The following XXYLT1 variants were observed in gnomAD, a reference collection of about 807,000 sequenced individuals.
The protein encoded by XXYLT1 is UDP-xylose:alpha-xyloside alpha-1,3-xylosyltransferase.
Under a neutral mutation model 28.9 loss-of-function variants are expected in XXYLT1, and 20 were observed. The ratio of observed to expected loss-of-function variants is 0.69; its 90% CI spans 0.49 to 1.00. The LOEUF (loss-of-function observed/expected upper bound fraction) is 1.00. XXYLT1 is among the 50% of genes least tolerant of loss of function. XXYLT1 has a pLI of 0.00. For missense variants in XXYLT1, 542 were observed against 560.1 expected (o/e 0.97, Z 0.33); for synonymous variants, 257 against 253.8 (o/e 1.01, Z -0.12).
Position 195,244,904 on chromosome 3 carries a change from G to A in XXYLT1, c.505-18048C>T, listed in dbSNP as rs1258978646. On this transcript the variant is annotated intron_variant, in intron 1 of 3. Coordinates refer to ENST00000310380, the MANE Select transcript of XXYLT1 (RefSeq NM_152531.5). ...CTCCCGGCCGGGTGCGGTGGCTCACGCCTGTGATCCCAGCACTTTGGGAGG... is the reference window on the plus strand; with the variant it reads ...CTCCCGGCCGGGTGCGGTGGCTCACACCTGTGATCCCAGCACTTTGGGAGG... 7.6e-5 allele frequency among the ~76,000 whole-genome samples: 11 copies of A among 144,918 alleles called. No individual in the cohort carries two copies. The East Asian group carries it at 8.7e-4, about 11-fold the overall frequency.
intron 3 of XXYLT1, among the ~76,000 whole-genome samples, chr3:195,145,811 C>T (rs1172480964): frequency 6.6e-6 from 1 of 152,208 alleles, no homozygotes; most frequent in East Asian, 1.9e-4. Context: ...CTTTTACAAA[C>T]AGTGATAGAG....
At position 195,256,200 on chromosome 3, in the gene XXYLT1, C is replaced by T. The variant is rs1725471434; in HGVS notation, c.504+14355G>A. On this transcript the variant is annotated intron_variant, in intron 1 of 3. Coordinates refer to ENST00000310380, the MANE Select transcript of XXYLT1 (RefSeq NM_152531.5). This position sits in a 1 kb window ranked among gnomAD's most constrained non-coding sequence, Gnocchi z 4.2. ...GCCGGACTCCAATCATGGCTCCGAG[C>T]AAGCTCATCTGTGCAGCCTCTTCCT... is the stretch of plus-strand genomic sequence containing the variant. 6.6e-6 allele frequency among the ~76,000 whole-genome samples: 1 copy of T among 152,224 alleles called. No homozygotes were observed. Among genetic ancestry groups the T allele is most frequent in the African/African-American group, 2.4e-5 (1 of 41,454 alleles).
intron 3 of XXYLT1, among the ~76,000 whole-genome samples, chr3:195,125,908 T>C (rs1718595068): frequency 6.6e-6 from 1 of 152,006 alleles, no homozygotes; most frequent in African/African-American, 2.4e-5. Flanking sequence ...AACACTGCCC[T>C]CAACAGGGAA....
intron 2 of XXYLT1, among the ~76,000 whole-genome samples, chr3:195,167,570 G>A (rs1380334011): frequency 1.3e-5 from 2 of 152,110 alleles, no homozygotes; most frequent in African/African-American, 4.8e-5. Context: ...CAGCCTGGGC[G>A]ACAAGAGTGA....
chr3:195,146,477 C>T (rs890040242), intron 3 of XXYLT1, among the ~76,000 whole-genome samples: 2 of 152,254 alleles, frequency 1.3e-5, no homozygotes, highest in Non-Finnish European at 1.5e-5. Context: ...CGTCCCACTG[C>T]AAGCTCCTGG....
At position 195,255,252 on chromosome 3, in the gene XXYLT1, T is replaced by A. The variant is rs115056974; in HGVS notation, c.504+15303A>T. ...GGGAGCCGCCGACCAGGCCTGGAGATCCCTGTGACAGTCACGGCAGGACTG... is the reference window on the plus strand; with the variant it reads ...GGGAGCCGCCGACCAGGCCTGGAGAACCCTGTGACAGTCACGGCAGGACTG... On this transcript the variant is annotated intron_variant, in intron 1 of 3. Transcript: ENST00000310380. This position sits in a 1 kb window ranked among gnomAD's most constrained non-coding sequence, Gnocchi z 4.5. Among the ~76,000 whole-genome samples the A allele has an allele frequency of 0.024, 3,722 of 152,230 alleles. 167 individuals carry two copies. The highest frequency in any genetic ancestry group is 0.085 in the African/African-American group (3,546 of 41,512).
At chr3:195,118,538 T>TC (rs1718168295) in intron 3 of XXYLT1, among the ~76,000 whole-genome samples, 1 of 152,190 alleles carries the variant, frequency 6.6e-6, no homozygotes, top group Admixed American at 6.5e-5. Flanking sequence ...GAGGTTAGGC[T>TC]TGGCTTCCTT....
rs1002359581 is a variant in XXYLT1, at chr3:195,209,160, C to T, written c.652+17549G>A. Reference sequence around the variant, plus strand: ...ATGCCAGTGGGGTTAGGACAGGAACCGGCTCACCCTGTTAAGAAGCCAGTC... The same window carrying T: ...ATGCCAGTGGGGTTAGGACAGGAACTGGCTCACCCTGTTAAGAAGCCAGTC... On this transcript the variant is annotated intron_variant, in intron 2 of 3. Transcript: ENST00000310380. The surrounding 1 kb of genome is among the most constrained non-coding windows in gnomAD (Gnocchi z 5.0). 6.6e-6 allele frequency among the ~76,000 whole-genome samples: 1 copy of T among 152,218 alleles called. No individual in the cohort carries two copies. Among genetic ancestry groups the T allele is most frequent in the Admixed American group, 6.5e-5 (1 of 15,290 alleles).
intron 2 of XXYLT1, chr3:195,175,923 A>G: frequency 7.2e-7 from 1 of 1,398,280 alleles, no homozygotes; most frequent in South Asian, 1.6e-5. Context: ...ATGAAGTCAC[A>G]GAAATTTCAG....
intron 3 of XXYLT1, among the ~76,000 whole-genome samples, chr3:195,130,198 T>G (rs1223371128): frequency 6.6e-6 from 1 of 152,170 alleles, no homozygotes; most frequent in African/African-American, 2.4e-5. Flanking sequence ...GTGGTCCCTC[T>G]CTGAGGACCC....
chr3:195,119,297 A>C (rs932371851), intron 3 of XXYLT1, among the ~76,000 whole-genome samples: 2 of 151,930 alleles, frequency 1.3e-5, no homozygotes, highest in East Asian at 1.9e-4. Flanking sequence ...CAAAAAAAAA[A>C]AAAAAAAAGG....
chr3:195,213,942 C>G (rs1306876419), intron 2 of XXYLT1, among the ~76,000 whole-genome samples: 2 of 152,144 alleles, frequency 1.3e-5, no homozygotes, highest in Admixed American at 1.3e-4. Flanking sequence ...TTAGGCAATA[C>G]CAGATGTGAT....
At chr3:195,103,338 AGCGACCTGCGTCCATCACCCCACG>A in intron 3 of XXYLT1, among the ~76,000 whole-genome samples, 2 of 151,474 alleles carry the variant, frequency 1.3e-5, no homozygotes, top group Non-Finnish European at 1.5e-5. Context: ...ACCCCACGCC[AGCGACCTGCGTCCATCACCCCACG>A]CCAGCGGCCT....
In XXYLT1 at chr3:195,150,611, T is replaced by C. The variant is rs1319430836; in HGVS notation, c.785+5838A>G. Among the ~76,000 whole-genome samples, 1 of 152,160 alleles carries C rather than the reference T, an allele frequency of 6.6e-6. No individual in the cohort carries two copies. The highest frequency in any genetic ancestry group is 1.9e-4 in the East Asian group (1 of 5,196). On this transcript the variant is annotated intron_variant, in intron 3 of 3. Coordinates refer to ENST00000310380, the MANE Select transcript of XXYLT1 (RefSeq NM_152531.5). This position sits in a 1 kb window ranked among gnomAD's most constrained non-coding sequence, Gnocchi z 4.7. ...CTGACAGGAATAGCCTGCCGCTTCCTCCTCAGGGTGGGCCGGGGCTCACAC... is the reference window on the plus strand; with the variant it reads ...CTGACAGGAATAGCCTGCCGCTTCCCCCTCAGGGTGGGCCGGGGCTCACAC...
At chr3:195,140,391 CCTTA>C (rs1164843234) in intron 3 of XXYLT1, among the ~76,000 whole-genome samples, 1 of 152,160 alleles carries the variant, frequency 6.6e-6, no homozygotes, top group Non-Finnish European at 1.5e-5. Flanking sequence ...TGGGAGGCAC[CCTTA>C]CTGTTATGGA....
In XXYLT1 at chr3:195,150,131, C is replaced by T. The variant is rs1268315387; in HGVS notation, c.785+6318G>A. ...GAACTTATCAGTGGCCAAGCTGGGA[C>T]TGTGGATAACGCTGCCACCACCACC... On this transcript the variant is annotated intron_variant, in intron 3 of 3. Coordinates refer to ENST00000310380, the MANE Select transcript of XXYLT1 (RefSeq NM_152531.5). The surrounding 1 kb of genome is among the most constrained non-coding windows in gnomAD (Gnocchi z 4.7). Among the ~76,000 whole-genome samples the T allele has an allele frequency of 6.6e-6, 1 of 151,982 alleles. No individual in the cohort carries two copies. The highest frequency in any genetic ancestry group is 1.9e-4 in the East Asian group (1 of 5,152).
chr3:195,123,713 C>T (rs1169580698), intron 3 of XXYLT1, among the ~76,000 whole-genome samples: 2 of 152,134 alleles, frequency 1.3e-5, no homozygotes, highest in African/African-American at 2.4e-5. Flanking sequence ...TAAATGTCTC[C>T]GGAGCCCACT....
rs145278947 is a variant in XXYLT1, at chr3:195,243,132, T to C, written c.505-16276A>G. On this transcript the variant is annotated intron_variant, in intron 1 of 3. Transcript: ENST00000310380. ...AGGACAGAAAACCAAACACCACATG[T>C]TCTCACTCATAGGTGGGAACTGAAC... Among the ~76,000 whole-genome samples, 21 of 152,066 alleles carry C rather than the reference T, an allele frequency of 1.4e-4. 1 individual carries two copies. The highest frequency in any genetic ancestry group is 4.6e-4 in the African/African-American group (19 of 41,450).
chr3:195,219,685 G>T (rs73067079), intron 2 of XXYLT1, among the ~76,000 whole-genome samples: 4 of 152,312 alleles, frequency 2.6e-5, no homozygotes, highest in Non-Finnish European at 5.9e-5. Flanking sequence ...CCACCCAGCA[G>T]CACTGACCCA....
Sources: gnomAD v4.1 joint callset for allele counts (sites outside exome capture counted in the v4.1 genomes callset) on GRCh38, gnomAD v4.1.1 for gene constraint, Gnocchi (gnomAD v3.1) non-coding constraint, MANE v1.5 for transcripts, NCBI Gene and HGNC (gene_info 2026-07-23, HGNC 2026-07-21) for gene names.